MYLK: variants seen among roughly 807,000 people sequenced by gnomAD.
The protein encoded by MYLK is myosin light chain kinase.
Under a neutral mutation model 203.4 loss-of-function variants are expected in MYLK, and 106 were observed. The observed-to-expected ratio is 0.52, with a 90% CI of 0.45 to 0.61. MYLK has a LOEUF of 0.61. Ranked by LOEUF, MYLK falls within the 20% of genes least tolerant of loss-of-function variation. The pLI is 0.00. For missense variants in MYLK, 2,072 were observed against 2,442.3 expected, an observed-to-expected ratio of 0.85 and a Z score of 3.20; for synonymous variants, 867 against 959.5, an observed-to-expected ratio of 0.90 and a Z score of 1.78.
chr3:123,837,500 T>C (rs1406144470), intron 2 of MYLK, among the ~76,000 whole-genome samples: 2 of 147,842 alleles, frequency 1.4e-5, no homozygotes, highest in Non-Finnish European at 3.0e-5. Context: ...ATATATTATA[T>C]ATATTACATA....
chr3:123,720,079 G>A (rs1225275101), intron 13 of MYLK, among the ~76,000 whole-genome samples: 1 of 152,234 alleles, frequency 6.6e-6, no homozygotes, highest in Non-Finnish European at 1.5e-5. Context: ...ATCTGAGCCT[G>A]TCTGGTCTTT....
chr3:123,739,924 T>G (rs1314573258), intron 6 of MYLK, 29 bp downstream of exon 6: 1 of 1,613,260 alleles, frequency 6.2e-7, no homozygotes, highest in South Asian at 1.1e-5. Flanking sequence ...AATCCAACCC[T>G]TACTCTGTCT....
At chr3:123,682,679 A>C (rs1355425743) in intron 19 of MYLK, among the ~76,000 whole-genome samples, 1 of 152,138 alleles carries the variant, frequency 6.6e-6, no homozygotes, top group Non-Finnish European at 1.5e-5. Context: ...CTCATGCTAG[A>C]AATCTTGGGT....
intron 5 of MYLK, among the ~76,000 whole-genome samples, chr3:123,751,215 T>C (rs975904508): frequency 6.6e-6 from 1 of 152,256 alleles, no homozygotes; most frequent in African/African-American, 2.4e-5. Flanking sequence ...ACAGACCCCA[T>C]GTCCTTCCTG....
chr3:123,870,471 T>C (rs192491406), intron 2 of MYLK, among the ~76,000 whole-genome samples: 260 of 152,318 alleles, frequency 1.7e-3, no homozygotes, highest in Admixed American at 4.2e-3. Flanking sequence ...ATGGCCCTAT[T>C]GTGGCCCTAC....
At chr3:123,726,203 C>CT in intron 11 of MYLK, 125 bp from the exon 12 acceptor site, 1 of 1,260,728 alleles carries the variant, frequency 7.9e-7, no homozygotes, top group Non-Finnish European at 1.1e-6. Flanking sequence ...GGCAGCCTGC[C>CT]TTTGGCTTCT....
chr3:123,700,272 C>T lies in MYLK; in HGVS notation c.3196G>A (p.Glu1066Lys). The T allele has an allele frequency of 6.6e-7, 1 of 1,515,348 alleles. No individual in the cohort carries two copies. Among genetic ancestry groups the T allele is most frequent in the South Asian group, 1.5e-5 (1 of 66,606 alleles). 93.9% of individuals were successfully genotyped at this position (1,515,348 alleles called of 1,614,324 possible). The change falls in exon 18 of 34, where the codon GAA becomes AAA. Residue 1066 changes from glutamate to lysine, a missense_variant. Around this residue, in one of 3 missense-constraint regions of MYLK, gnomAD observed 865 missense variants for 1,016.0 expected, o/e 0.85. Coordinates refer to ENST00000360304, the MANE Select transcript of MYLK (RefSeq NM_053025.4). ...DENLKSASKE[E>K]LKKDVKNDVN... The stretch of plus-strand genomic sequence containing the variant: ...TCATTCTTAACGTCTTTCTTGAGTT[C>T]TTCTTTGCTAGCGGATTTCAGGTTC...
chr3:123,654,964 C>T (rs150496803), intron 24 of MYLK, among the ~76,000 whole-genome samples: 137 of 152,224 alleles, frequency 9.0e-4, no homozygotes, highest in African/African-American at 3.1e-3. Flanking sequence ...GCGATCCACC[C>T]GCTTCAGCCT....
intron 4 of MYLK, among the ~76,000 whole-genome samples, chr3:123,781,091 C>T (rs996276401): frequency 6.6e-6 from 1 of 152,202 alleles, no homozygotes; most frequent in African/African-American, 2.4e-5. Flanking sequence ...ATCCCGGGAC[C>T]TGCTCAGGGA....
Position 123,657,157 on chromosome 3 carries a change from A to G in MYLK, c.4257T>C (p.Ser1419=), listed in dbSNP as rs765105971. 6.2e-6 allele frequency: 10 copies of G among 1,614,208 alleles called. No homozygotes were observed. Among genetic ancestry groups the G allele is most frequent in the Non-Finnish European group, 7.6e-6 (9 of 1,180,032 alleles). Residue 1419 remains serine, a synonymous_variant, in exon 24 of 34, where the codon TCT becomes TCC. Transcript: ENST00000360304. ...GTTTCTCTCCTACCGTTGTGAGTTC[A>G]GACTCCTGGCTTGGCTCACTGGTTC... The part of the protein sequence containing the change: ...VYGTSEPSQE[S]ELTTVGEKPE...
rs1298658994 is a variant in MYLK, at chr3:123,642,013, C to A, written c.4620-1509G>T. On this transcript the variant is annotated intron_variant, in intron 27 of 33. Transcript: ENST00000360304. This position sits in a 1 kb window ranked among gnomAD's most constrained non-coding sequence, Gnocchi z 4.2. ...AGGACTACAGGTATGTGCCACCGCA[C>A]CTGGCTAATTTTTTTAATGTTTTGT... Among the ~76,000 whole-genome samples, 2 of 151,960 alleles carry A rather than the reference C, an allele frequency of 1.3e-5. No homozygotes were observed. The highest frequency in any genetic ancestry group is 4.8e-5 in the African/African-American group (2 of 41,352).
At position 123,857,364 on chromosome 3, in the gene MYLK, T is replaced by A. The variant is rs1299529049; in HGVS notation, c.-127+19195A>T. On this transcript the variant is annotated intron_variant, in intron 2 of 33. Transcript: ENST00000360304. ...CATGCACACGTATGTTTATTGCGGC[T>A]CTATTCACAATAGCAAAGACTTGGA... Among the ~76,000 whole-genome samples, 213 of 150,782 alleles carry A rather than the reference T, an allele frequency of 1.4e-3. 3 individuals are homozygous for A. Among genetic ancestry groups the A allele is most frequent in the African/African-American group, 4.0e-3 (162 of 40,402 alleles).
intron 16 of MYLK, among the ~76,000 whole-genome samples, chr3:123,703,916 G>A (rs1035794593): frequency 2.6e-5 from 4 of 152,210 alleles, no homozygotes; most frequent in African/African-American, 9.6e-5. Context: ...CCCAGATGGC[G>A]GCTTTACCCC....
chr3:123,725,457 C>G (rs116185616), intron 12 of MYLK, among the ~76,000 whole-genome samples: 1 of 152,156 alleles, frequency 6.6e-6, no homozygotes, highest in Admixed American at 6.5e-5. Flanking sequence ...AAAAGAATAA[C>G]TGGTCTGTGA....
intron 4 of MYLK, among the ~76,000 whole-genome samples, chr3:123,756,788 C>T (rs756249122): frequency 2.6e-5 from 4 of 152,178 alleles, no homozygotes; most frequent in Non-Finnish European, 4.4e-5. Context: ...AGGAGAGAAT[C>T]GCATTCTTGA....
Position 123,696,989 on chromosome 3 carries a change from C to T in MYLK, c.3448+3031G>A, listed in dbSNP as rs1471896713. On this transcript the variant is annotated intron_variant, in intron 18 of 33. Coordinates refer to ENST00000360304, the MANE Select transcript of MYLK (RefSeq NM_053025.4). ...AAGCCCGTCCCCTCTGGCCTGTCTT[C>T]GGGGCTTAGATCAAAGTCCAGCACT... 2.6e-5 allele frequency among the ~76,000 whole-genome samples: 4 copies of T among 152,232 alleles called. 1 individual carries two copies. Among genetic ancestry groups the T allele is most frequent in the African/African-American group, 9.6e-5 (4 of 41,462 alleles).
In MYLK at chr3:123,682,245, G is replaced by A. The variant is rs1490588396; in HGVS notation, c.3631C>T (p.Pro1211Ser). ...TCACTCTCAGTTCCTAGCACGGGAG[G>A]AAGAGAGCTCTTGGGCCTCCGGGAT... Reference protein sequence around the residue: ...MKSRRPKSSLPPVLGTESDAT... With the variant: ...MKSRRPKSSLSPVLGTESDAT... The change falls in exon 20 of 34, where the codon CCT becomes TCT. Residue 1211 changes from proline (P) to serine (S), a missense_variant. By Grantham distance (74) the Pro-to-Ser change is moderately conservative. Transcript: ENST00000360304. The A allele has an allele frequency of 1.2e-6, 2 of 1,602,704 alleles. No individual in the cohort carries two copies. The highest frequency in any genetic ancestry group is 2.2e-5 in the East Asian group (1 of 44,704).
rs549729731 is a variant in MYLK at position 123,848,364 on chromosome 3, G to T, written c.-126-16694C>A. On this transcript the variant is annotated intron_variant, in intron 2 of 33. Coordinates refer to ENST00000360304, the MANE Select transcript of MYLK (RefSeq NM_053025.4). ...TTTCCTTCCTTCTACTTTTCCAAAG[G>T]TTTCTTTAGGATTTTTTTTCTAGCT... Among the ~76,000 whole-genome samples the T allele has an allele frequency of 4.6e-5, 7 of 151,152 alleles. No individual in the cohort carries two copies. The East Asian group carries it at 1.2e-3, about 25-fold the overall frequency.
chr3:123,742,424 G>C (rs1233415903), intron 5 of MYLK, among the ~76,000 whole-genome samples: 1 of 152,060 alleles, frequency 6.6e-6, no homozygotes, highest in South Asian at 2.1e-4. Flanking sequence ...GATTATTTTG[G>C]GGGTTGTGGT....
Sources: gnomAD v4.1 joint callset for allele counts (sites outside exome capture counted in the v4.1 genomes callset) on GRCh38, gnomAD v4.1.1 for gene constraint, gnomAD v4.1.1 regional missense constraint, Gnocchi (gnomAD v3.1) non-coding constraint, MANE v1.5 for transcripts, NCBI Gene and HGNC (gene_info 2026-07-23, HGNC 2026-07-21) for gene names.